PPP2R5C: variants seen among roughly 807,000 people sequenced by gnomAD.
PPP2R5C encodes the protein protein phosphatase 2 regulatory subunit B'gamma.
PPP2R5C carries 7 observed loss-of-function variants against 68.9 expected under a neutral mutation model. That is an observed-to-expected ratio of 0.10 (90% CI 0.06 to 0.19). PPP2R5C has a LOEUF of 0.19. Ranked by LOEUF, PPP2R5C falls within the 10% of genes least tolerant of loss-of-function variation. The pLI, the probability that PPP2R5C is intolerant of heterozygous loss-of-function variation, is 1.00. For synonymous variants in PPP2R5C, 210 were observed against 222.2 expected, an observed-to-expected ratio of 0.95 and a Z score of 0.49; for missense variants, 348 against 641.3, an observed-to-expected ratio of 0.54 and a Z score of 4.94.
chr14:101,762,921 G>A (rs755735656), exon 2 of PPP2R5C: 3 of 1,583,898 alleles, frequency 1.9e-6, no homozygotes, highest in Non-Finnish European at 2.6e-6. Flanking sequence ...CCAAAAGCAG[G>A]GAAGAGTGGA....
chr14:101,898,427 A>G (rs890255102), intron 8 of PPP2R5C, among the ~76,000 whole-genome samples: 17 of 152,098 alleles, frequency 1.1e-4, no homozygotes, highest in Admixed American at 1.0e-3. Flanking sequence ...AATGAGCCTC[A>G]CCCTATTCTC....
chr14:101,904,022 T>C (rs2045878986), intron 9 of PPP2R5C, among the ~76,000 whole-genome samples: 2 of 152,194 alleles, frequency 1.3e-5, no homozygotes, highest in African/African-American at 4.8e-5. Context: ...AGTACTGGTT[T>C]TAAAAACTGG....
intron 1 of PPP2R5C, among the ~76,000 whole-genome samples, chr14:101,815,971 A>C (rs1041044053): frequency 2.0e-5 from 3 of 152,242 alleles, no homozygotes; most frequent in African/African-American, 7.2e-5. Flanking sequence ...CACCCGGCCT[A>C]TCTGATGTAT....
intron 1 of PPP2R5C, among the ~76,000 whole-genome samples, chr14:101,827,977 T>C (rs2040497567): frequency 6.6e-6 from 1 of 152,224 alleles, no homozygotes; most frequent in African/African-American, 2.4e-5. Flanking sequence ...ACTGATCTTA[T>C]TTGTATGTTA....
At chr14:101,904,133 G>T (rs2045885562) in intron 9 of PPP2R5C, among the ~76,000 whole-genome samples, 1 of 152,088 alleles carries the variant, frequency 6.6e-6, no homozygotes. Context: ...TGGGTGGGTG[G>T]ATGGATGGAT....
chr14:101,875,620 G>T (rs1269417662), intron 2 of PPP2R5C, among the ~76,000 whole-genome samples: 2 of 152,200 alleles, frequency 1.3e-5, no homozygotes. Flanking sequence ...ATGTTCTCTA[G>T]ATGATAGCTG....
chr14:101,871,364 C>A (rs1227542941), intron 2 of PPP2R5C, among the ~76,000 whole-genome samples: 1 of 152,002 alleles, frequency 6.6e-6, no homozygotes, highest in African/African-American at 2.4e-5. Flanking sequence ...GCCTCAGCCT[C>A]CCCCAAGTAG....
intron 2 of PPP2R5C, among the ~76,000 whole-genome samples, chr14:101,870,042 T>C (rs1216977590): frequency 1.6e-5 from 1 of 62,614 alleles, no homozygotes; most frequent in African/African-American, 1.3e-4. Context: ...CAATTGGGCT[T>C]TTTTTTTTTT....
At chr14:101,764,077 G>A (rs12880263) in intron 2 of PPP2R5C, among the ~76,000 whole-genome samples, 79,098 of 151,814 alleles carry the variant, frequency 0.52, 24,630 homozygotes, top group Non-Finnish European at 0.66. Flanking sequence ...TTTGCTTCTT[G>A]GCTTTGGCCT....
intron 8 of PPP2R5C, among the ~76,000 whole-genome samples, chr14:101,898,197 G>A (rs913972249): frequency 6.6e-6 from 1 of 152,132 alleles, no homozygotes; most frequent in Non-Finnish European, 1.5e-5. Flanking sequence ...GGGAAAAAAA[G>A]CTATGGAAGG....
intron 1 of PPP2R5C, among the ~76,000 whole-genome samples, chr14:101,823,348 A>C (rs1297864868): frequency 6.6e-6 from 1 of 152,150 alleles, no homozygotes; most frequent in East Asian, 1.9e-4. Flanking sequence ...TGTTTGATTT[A>C]TTTTGTATTA....
chr14:101,779,646 TG>T (rs1458773336), intron 2 of PPP2R5C, among the ~76,000 whole-genome samples: 1 of 152,022 alleles, frequency 6.6e-6, no homozygotes, highest in Non-Finnish European at 1.5e-5. Flanking sequence ...AAAATAAGTG[TG>T]GGGGAGACAG....
intron 3 of PPP2R5C, 108 bp downstream of exon 3, chr14:101,786,291 G>T: frequency 9.1e-7 from 1 of 1,101,280 alleles, no homozygotes; most frequent in Non-Finnish European, 1.2e-6. Flanking sequence ...ATTTTGTGGG[G>T]TCATCTTTTC....
chr14:101,798,400 A>C (rs2038713764), intron 3 of PPP2R5C, among the ~76,000 whole-genome samples: 1 of 152,266 alleles, frequency 6.6e-6, no homozygotes, highest in Admixed American at 6.5e-5. Flanking sequence ...TAAAATCAGT[A>C]GGATGTATTT....
Position 101,924,998 on chromosome 14 carries a change from C to G in PPP2R5C, c.1444-143C>G, listed in dbSNP as rs560146846. The stretch of plus-strand genomic sequence containing the variant: ...GCAAATTTCCATGATAAGACCTACG[C>G]CGTTTCCCTGTGGCCAGGGTGCCGC... On this transcript the variant is annotated intron_variant, in intron 13 of 13. Transcript: ENST00000334743. 6.1e-5 allele frequency: 56 copies of G among 912,758 alleles called. 2 individuals carry two copies. In the African/African-American group the frequency reaches 8.3e-4, roughly 14 times the overall value. 56.5% of individuals were successfully genotyped at this position (912,758 alleles called of 1,614,324 possible). A position where few individuals can be genotyped will look rare whatever the true frequency, so the allele number is the denominator to read the frequency against.
chr14:101,771,257 G>GTGTA (rs1566823471), intron 2 of PPP2R5C, among the ~76,000 whole-genome samples: 1 of 149,624 alleles, frequency 6.7e-6, no homozygotes, highest in African/African-American at 2.5e-5. Context: ...GTGTGTGTGT[G>GTGTA]TGTGTGTATT....
Position 101,835,752 on chromosome 14 carries a change from G to GCCGTCC in PPP2R5C, c.95-20931_95-20926dup, listed in dbSNP as rs539202540. 3.1e-3 allele frequency among the ~76,000 whole-genome samples: 467 copies of GCCGTCC among 152,342 alleles called. 5 individuals are homozygous for GCCGTCC. Among genetic ancestry groups the GCCGTCC allele is most frequent in the African/African-American group, 0.011 (443 of 41,582 alleles). On this transcript the variant is annotated intron_variant, in intron 1 of 13. Transcript: ENST00000334743. The surrounding 1 kb of genome is among the most constrained non-coding windows in gnomAD (Gnocchi z 5.0). ...TGTGTGGGACCACGCCGCCTGCACA[G>GCCGTCC]CCGTCCCCTCACGGGGTGCCTCTTG...
intron 1 of PPP2R5C, among the ~76,000 whole-genome samples, chr14:101,838,331 G>A (rs1449370807): frequency 6.6e-6 from 1 of 152,202 alleles, no homozygotes; most frequent in Non-Finnish European, 1.5e-5. Context: ...AGCGTCTTGT[G>A]AATCTGAAAA....
chr14:101,857,788 G>A (rs2042511059), intron 2 of PPP2R5C, among the ~76,000 whole-genome samples: 1 of 152,122 alleles, frequency 6.6e-6, no homozygotes, highest in Non-Finnish European at 1.5e-5. Context: ...GAGTCAGTGT[G>A]GCTTAGTGTA....
Sources: allele counts gnomAD v4.1 joint callset (sites outside exome capture counted in the v4.1 genomes callset), GRCh38; gene constraint gnomAD v4.1.1; non-coding constraint Gnocchi (gnomAD v3.1); transcripts MANE v1.5; gene names NCBI Gene and HGNC (gene_info 2026-07-23, HGNC 2026-07-21).